The following GSTCD variants were observed in gnomAD, a reference collection of about 807,000 sequenced individuals.
GSTCD encodes glutathione S-transferase C-terminal domain containing, also known as glutathione S-transferase C-terminal domain-containing protein.
A neutral mutation model predicts 68.3 loss-of-function variants in GSTCD; 44 were observed. The observed-to-expected ratio is 0.64, with a 90% CI of 0.51 to 0.83. GSTCD has a LOEUF of 0.83. Ranked by LOEUF, GSTCD falls within the 40% of genes least tolerant of loss-of-function variation. The pLI is 0.00. For missense variants in GSTCD, 739 were observed against 735.9 expected (o/e 1.00, Z -0.05); for synonymous variants, 273 against 255.2 (o/e 1.07, Z -0.67).
chr4:105,748,268 A>C (rs1413512034), intron 5 of GSTCD, among the ~76,000 whole-genome samples: 1 of 152,070 alleles, frequency 6.6e-6, no homozygotes, highest in Non-Finnish European at 1.5e-5. Context: ...AAAAAGAAAA[A>C]AAAATACTAA....
intron 4 of GSTCD, among the ~76,000 whole-genome samples, chr4:105,727,163 A>G (rs1227766779): frequency 1.3e-5 from 2 of 151,130 alleles, no homozygotes; most frequent in Non-Finnish European, 2.9e-5. Flanking sequence ...CTATTTTAAC[A>G]TAATCTTTTT....
chr4:105,757,970 A>G (rs568060594), intron 5 of GSTCD, among the ~76,000 whole-genome samples: 1 of 152,198 alleles, frequency 6.6e-6, no homozygotes, highest in Non-Finnish European at 1.5e-5. Context: ...CTACTATACT[A>G]TCTTTTTATT....
At chr4:105,802,166 T>C (rs1560836749) in intron 5 of GSTCD, among the ~76,000 whole-genome samples, 1 of 152,074 alleles carries the variant, frequency 6.6e-6, no homozygotes, top group Non-Finnish European at 1.5e-5. Flanking sequence ...CATCATGATA[T>C]TGTTTGTTTG....
chr4:105,820,160 G>T (rs1723216265), intron 5 of GSTCD, among the ~76,000 whole-genome samples: 1 of 151,262 alleles, frequency 6.6e-6, no homozygotes, highest in Non-Finnish European at 1.5e-5. Flanking sequence ...TGATGCTTTG[G>T]ATGAACCAAA....
chr4:105,765,701 A>G (rs1205722929), intron 5 of GSTCD, among the ~76,000 whole-genome samples: 1 of 152,126 alleles, frequency 6.6e-6, no homozygotes, highest in Non-Finnish European at 1.5e-5. Flanking sequence ...TGTAATCCCC[A>G]CATGTTGCGG....
Position 105,792,678 on chromosome 4 carries a change from G to A in GSTCD, c.1241-30276G>A, listed in dbSNP as rs141768487. On this transcript the variant is annotated intron_variant, in intron 5 of 11. Transcript: ENST00000515279. The stretch of plus-strand genomic sequence containing the variant: ...GTTAATTATAAAGTATTAATATCAT[G>A]TTGAGTAGGGTTTCCCTGCATTGAA... 2.4e-3 allele frequency among the ~76,000 whole-genome samples: 371 copies of A among 152,168 alleles called. 7 individuals are homozygous for A. The highest frequency in any genetic ancestry group is 8.7e-3 in the African/African-American group (361 of 41,442).
intron 5 of GSTCD, among the ~76,000 whole-genome samples, chr4:105,738,517 A>G (rs901733135): frequency 6.6e-6 from 1 of 152,176 alleles, no homozygotes; most frequent in African/African-American, 2.4e-5. Flanking sequence ...AAGCATGAAC[A>G]TGGATATATT....
intron 5 of GSTCD, among the ~76,000 whole-genome samples, chr4:105,821,723 T>C (rs1723301749): frequency 4.6e-5 from 7 of 151,936 alleles, no homozygotes; most frequent in Admixed American, 4.6e-4. Context: ...CATGGAAAGA[T>C]ATTTACAATA....
chr4:105,813,269 AT>A (rs1237439066), intron 5 of GSTCD, among the ~76,000 whole-genome samples: 3 of 152,238 alleles, frequency 2.0e-5, no homozygotes, highest in African/African-American at 7.2e-5. Flanking sequence ...AAATAAGAAT[AT>A]CCATTCAGTG....
At chr4:105,766,389 T>G (rs1431261218) in intron 5 of GSTCD, among the ~76,000 whole-genome samples, 4 of 152,178 alleles carry the variant, frequency 2.6e-5, no homozygotes, top group Non-Finnish European at 2.9e-5. Context: ...ATCCTTTTAC[T>G]AATAGCCTTC....
At chr4:105,792,771 A>G (rs951503796) in intron 5 of GSTCD, among the ~76,000 whole-genome samples, 13 of 152,026 alleles carry the variant, frequency 8.6e-5, no homozygotes, top group African/African-American at 1.9e-4. Context: ...TACATAAAAG[A>G]GCAGTATTTT....
chr4:105,741,278 G>T (rs1733620600), intron 5 of GSTCD, among the ~76,000 whole-genome samples: 1 of 151,958 alleles, frequency 6.6e-6, no homozygotes, highest in Non-Finnish European at 1.5e-5. Flanking sequence ...CTGCCCCAAA[G>T]ATATTTTATA....
chr4:105,731,308 A>G (rs1354146092), intron 5 of GSTCD, among the ~76,000 whole-genome samples: 1 of 152,206 alleles, frequency 6.6e-6, no homozygotes, highest in Non-Finnish European at 1.5e-5. Context: ...TTGAATCTAT[A>G]AATTACCTTG....
chr4:105,809,297 C>T (rs1182420927), intron 5 of GSTCD, among the ~76,000 whole-genome samples: 5 of 151,938 alleles, frequency 3.3e-5, no homozygotes, highest in South Asian at 2.1e-4. Flanking sequence ...TGATGGCAGT[C>T]GGGTTCAATA....
At chr4:105,729,899 C>G (rs1367082149) in intron 5 of GSTCD, among the ~76,000 whole-genome samples, 3 of 152,144 alleles carry the variant, frequency 2.0e-5, no homozygotes, top group South Asian at 4.1e-4. Context: ...CCCACTCCCC[C>G]TACCCCACAA....
At chr4:105,793,991 T>A (rs17036230) in intron 5 of GSTCD, among the ~76,000 whole-genome samples, 8,194 of 152,126 alleles carry the variant, frequency 0.054, 276 homozygotes, top group Middle Eastern at 0.14. Flanking sequence ...TGTGAAACTG[T>A]GGGTTGATTT....
At chr4:105,844,571 T>A (rs910213999) in intron 11 of GSTCD, among the ~76,000 whole-genome samples, 1 of 152,228 alleles carries the variant, frequency 6.6e-6, no homozygotes, top group Non-Finnish European at 1.5e-5. Context: ...CAGTTTCCAC[T>A]GTCATTCAAT....
chr4:105,714,715 A>G (rs1170799816), intron 1 of GSTCD, among the ~76,000 whole-genome samples: 2 of 152,066 alleles, frequency 1.3e-5, no homozygotes, highest in Admixed American at 6.6e-5. Context: ...ATTAAAAAAA[A>G]TACGTTAAGA....
intron 5 of GSTCD, among the ~76,000 whole-genome samples, chr4:105,735,539 G>A (rs1203020079): frequency 6.6e-6 from 1 of 152,176 alleles, no homozygotes; most frequent in African/African-American, 2.4e-5. Context: ...CTGTATTAGG[G>A]TGGGAGTGAC....
Sources: allele counts gnomAD v4.1 joint callset (sites outside exome capture counted in the v4.1 genomes callset), GRCh38; gene constraint gnomAD v4.1.1; transcripts MANE v1.5; gene names NCBI Gene and HGNC (gene_info 2026-07-23, HGNC 2026-07-21).